The following CORIN variants were observed in gnomAD, a reference collection of about 807,000 sequenced individuals.
The protein encoded by CORIN is corin, serine peptidase.
A neutral mutation model predicts 125.3 loss-of-function variants in CORIN; 117 were observed. That is an observed-to-expected ratio of 0.93 (90% CI 0.80 to 1.09). CORIN has a LOEUF of 1.09. Among genes scored for constraint, CORIN ranks in the 50% least tolerant of loss-of-function variants. CORIN has a pLI of 0.00. For synonymous variants in CORIN, 450 were observed against 466.4 expected, an observed-to-expected ratio of 0.96 and a Z score of 0.45; for missense variants, 1,253 against 1,306.7, an observed-to-expected ratio of 0.96 and a Z score of 0.63.
At chr4:47,698,696 C>T (rs1726149433) in intron 5 of CORIN, among the ~76,000 whole-genome samples, 1 of 152,064 alleles carries the variant, frequency 6.6e-6, no homozygotes, top group South Asian at 2.1e-4. Context: ...AGCTGGGAGT[C>T]TATTTATTGA....
intron 15 of CORIN, 80 bp from the exon 16 acceptor site, chr4:47,642,129 T>A: frequency 7.1e-7 from 1 of 1,403,980 alleles, no homozygotes; most frequent in Non-Finnish European, 9.8e-7. Context: ...ATGCCTCTGC[T>A]TCATTGGCAT....
intron 1 of CORIN, 21 bp from the exon 2 acceptor site, chr4:47,807,068 G>A: frequency 6.3e-7 from 1 of 1,596,716 alleles, no homozygotes; most frequent in Non-Finnish European, 8.5e-7. Context: ...AGAGGAAAAT[G>A]CAACATGGTT....
intron 4 of CORIN, among the ~76,000 whole-genome samples, chr4:47,747,593 TAC>T (rs1454617825): frequency 1.3e-5 from 2 of 152,214 alleles, no homozygotes; most frequent in Non-Finnish European, 2.9e-5. Flanking sequence ...TGAAGTTTCA[TAC>T]AGGAGGCCAG....
chr4:47,683,652 C>G, intron 7 of CORIN, 79 bp downstream of exon 7: 1 of 983,898 alleles, frequency 1.0e-6, no homozygotes, highest in East Asian at 2.4e-5. Flanking sequence ...ATCATATTAA[C>G]ACATAATGAA....
intron 5 of CORIN, among the ~76,000 whole-genome samples, chr4:47,726,734 C>T (rs1289655899): frequency 6.6e-6 from 1 of 151,888 alleles, no homozygotes; most frequent in Non-Finnish European, 1.5e-5. Flanking sequence ...CTATTTCTTT[C>T]AGAAAGTAAC....
At chr4:47,757,646 G>A (rs1291016448) in intron 4 of CORIN, among the ~76,000 whole-genome samples, 1 of 150,822 alleles carries the variant, frequency 6.6e-6, no homozygotes, top group Admixed American at 6.6e-5. Context: ...AGGCCCCAAA[G>A]GATACTTGAA....
Position 47,837,975 on chromosome 4 carries a change from T to C in CORIN, c.-26A>G. The C allele has an allele frequency of 6.2e-7, 1 of 1,609,536 alleles. No homozygotes were observed. Among genetic ancestry groups the C allele is most frequent in the Non-Finnish European group, 8.5e-7 (1 of 1,179,956 alleles). The stretch of plus-strand genomic sequence containing the variant: ...GGATAAAAAGTCTCGCTTATTCTTC[T>C]GTCCACTTTTATCTTGGTCGCTTTT... On this transcript the variant is annotated 5_prime_UTR_variant, in exon 1 of 22. Coordinates refer to ENST00000273857, the MANE Select transcript of CORIN (RefSeq NM_006587.4).
chr4:47,618,099 C>T, intron 19 of CORIN, among the ~76,000 whole-genome samples: 1 of 152,084 alleles, frequency 6.6e-6, no homozygotes, highest in Middle Eastern at 3.4e-3. Flanking sequence ...CTTTGGGAGG[C>T]CGAGGTGGGT....
At position 47,786,848 on chromosome 4, in the gene CORIN, C is replaced by T; in HGVS notation, c.286G>A (p.Val96Ile). ...TTATAAATTGTATTTGTAAGAATAA[C>T]ATCGGACCCTTGGATTTCACCATCA... ...VTDGEIQGSD[V>I]ILTNTIYNQS... is the part of the protein sequence containing the mutation. The change falls in exon 3 of 22, where the codon GTT (valine) becomes ATT (isoleucine). Residue 96 changes from valine to isoleucine, a missense_variant. Physicochemically the swap from Val to Ile is conservative, Grantham distance 29. Transcript: ENST00000273857. 6.2e-7 allele frequency: 1 copy of T among 1,613,938 alleles called. No homozygotes were observed. Among genetic ancestry groups the T allele is most frequent in the East Asian group, 2.2e-5 (1 of 44,886 alleles).
chr4:47,722,503 T>C (rs964368821), intron 5 of CORIN, among the ~76,000 whole-genome samples: 2 of 152,178 alleles, frequency 1.3e-5, no homozygotes, highest in Non-Finnish European at 2.9e-5. Context: ...TCCAAACACA[T>C]AGACAATTTA....
intron 5 of CORIN, among the ~76,000 whole-genome samples, chr4:47,694,176 C>T (rs1725883787): frequency 6.6e-6 from 1 of 152,082 alleles, no homozygotes; most frequent in African/African-American, 2.4e-5. Context: ...TGTCCTAGGA[C>T]AAAGTTCAAG....
intron 19 of CORIN, among the ~76,000 whole-genome samples, chr4:47,623,096 C>CTCTATATA (rs771867590): frequency 0.01 from 1,058 of 102,164 alleles, 9 homozygotes; most frequent in Middle Eastern, 0.015. Flanking sequence ...CTCTCTCTCT[C>CTCTATATA]TATATATATA....
At chr4:47,823,057 T>C (rs1732589783) in intron 1 of CORIN, among the ~76,000 whole-genome samples, 1 of 152,138 alleles carries the variant, frequency 6.6e-6, no homozygotes, top group Non-Finnish European at 1.5e-5. Flanking sequence ...TCATGATCTG[T>C]CCGCCTCGGC....
At chr4:47,703,070 C>T (rs1001952094) in intron 5 of CORIN, among the ~76,000 whole-genome samples, 1 of 152,138 alleles carries the variant, frequency 6.6e-6, no homozygotes. Flanking sequence ...TTTTAAAAAT[C>T]CACTGATCTT....
At chr4:47,669,008 T>C (rs2109682619) in intron 10 of CORIN, among the ~76,000 whole-genome samples, 1 of 152,338 alleles carries the variant, frequency 6.6e-6, no homozygotes, top group Non-Finnish European at 1.5e-5. Flanking sequence ...TGTGTGATCC[T>C]GATTTAAAAA....
At chr4:47,690,881 G>C (rs1002073771) in intron 6 of CORIN, among the ~76,000 whole-genome samples, 5 of 152,156 alleles carry the variant, frequency 3.3e-5, no homozygotes, top group African/African-American at 1.2e-4. Context: ...AGATGTCCTT[G>C]TAAGGTCAAA....
At chr4:47,622,346 G>C (rs1381820551) in intron 19 of CORIN, among the ~76,000 whole-genome samples, 1 of 148,794 alleles carries the variant, frequency 6.7e-6, no homozygotes, top group Non-Finnish European at 1.5e-5. Context: ...ATGATTTATA[G>C]TCCTTTGGGT....
At chr4:47,782,123 GACTGTAATCTCAGC>G (rs1246764500) in intron 3 of CORIN, among the ~76,000 whole-genome samples, 2 of 152,072 alleles carry the variant, frequency 1.3e-5, no homozygotes, top group African/African-American at 4.8e-5. Flanking sequence ...AGTGGCTCAT[GACTGTAATCTCAGC>G]ACTTCGGGAG....
At chr4:47,812,707 T>G (rs1732114389) in intron 1 of CORIN, among the ~76,000 whole-genome samples, 1 of 152,168 alleles carries the variant, frequency 6.6e-6, no homozygotes, top group African/African-American at 2.4e-5. Flanking sequence ...GTCATACCAA[T>G]TCAGTCTATT....
Sources: allele counts gnomAD v4.1 joint callset (sites outside exome capture counted in the v4.1 genomes callset), GRCh38; gene constraint gnomAD v4.1.1; transcripts MANE v1.5; gene names NCBI Gene and HGNC (gene_info 2026-07-23, HGNC 2026-07-21).